ITGB5: variants seen among roughly 807,000 people sequenced by gnomAD.
The protein encoded by ITGB5 is integrin beta-5.
A neutral mutation model predicts 84.8 loss-of-function variants in ITGB5; 38 were observed. The observed-to-expected ratio is 0.45, with a 90% confidence interval of 0.35 to 0.59. The LOEUF is 0.59. Ranked by LOEUF, ITGB5 falls within the 20% of genes least tolerant of loss-of-function variation. The pLI is 0.01. For synonymous variants in ITGB5, 393 were observed against 414.4 expected (o/e 0.95, Z 0.63); for missense variants, 905 against 1,034.5 (o/e 0.87, Z 1.72).
chr3:124,773,600 T>G (rs1579175626), intron 11 of ITGB5, 90 bp downstream of exon 11: 1 of 1,168,514 alleles, frequency 8.6e-7, no homozygotes, highest in Non-Finnish European at 1.2e-6. Context: ...AGGTGAGGAG[T>G]GGAGGCTAGC....
intron 13 of ITGB5, among the ~76,000 whole-genome samples, chr3:124,764,867 C>T (rs1026057335): frequency 3.9e-5 from 6 of 152,200 alleles, no homozygotes; most frequent in South Asian, 2.1e-4. Context: ...ATGCTGGACC[C>T]GCTCAGCTTT....
At chr3:124,853,233 A>C (rs562387811) in intron 3 of ITGB5, among the ~76,000 whole-genome samples, 1 of 152,346 alleles carries the variant, frequency 6.6e-6, no homozygotes, top group Admixed American at 6.5e-5. Flanking sequence ...CTATTATAAC[A>C]GGACTACAAC....
At chr3:124,796,340 G>T in intron 10 of ITGB5, 48 bp downstream of exon 10, 1 of 1,515,262 alleles carries the variant, frequency 6.6e-7, no homozygotes, top group South Asian at 1.2e-5. Context: ...GTGTCCTAAC[G>T]GCATCTTGGC....
At chr3:124,796,161 C>T (rs1054482824) in intron 10 of ITGB5, among the ~76,000 whole-genome samples, 3 of 152,184 alleles carry the variant, frequency 2.0e-5, no homozygotes, top group Non-Finnish European at 4.4e-5. Context: ...GCAGGCCCCT[C>T]GAATTCTGAG....
At chr3:124,787,094 T>C (rs1350154355) in intron 10 of ITGB5, among the ~76,000 whole-genome samples, 1 of 152,228 alleles carries the variant, frequency 6.6e-6, no homozygotes, top group Non-Finnish European at 1.5e-5. Context: ...ATGTCATTAT[T>C]TCCTTCACAA....
chr3:124,846,607 T>C (rs191180056), intron 4 of ITGB5, among the ~76,000 whole-genome samples: 2 of 152,080 alleles, frequency 1.3e-5, no homozygotes, highest in East Asian at 3.9e-4. Context: ...TGTGTTGTAG[T>C]GTGATTTGAA....
intron 1 of ITGB5, among the ~76,000 whole-genome samples, chr3:124,880,857 A>C (rs1039846931): frequency 6.6e-6 from 1 of 152,006 alleles, no homozygotes; most frequent in Non-Finnish European, 1.5e-5. Flanking sequence ...TGAACCTAGG[A>C]GGCAGAGGTT....
intron 11 of ITGB5, chr3:124,769,924 C>CTCAGGCTA (rs2063818231): frequency 6.6e-6 from 1 of 152,252 alleles, no homozygotes; most frequent in Non-Finnish European, 1.5e-5. Flanking sequence ...CTCCTCCCAC[C>CTCAGGCTA]TCAGGCTAAC....
At chr3:124,859,195 G>T (rs927381584) in intron 3 of ITGB5, 47 bp downstream of exon 3, 2 of 1,570,248 alleles carry the variant, frequency 1.3e-6, no homozygotes, top group Non-Finnish European at 1.7e-6. Context: ...CTCCCCCATG[G>T]GCCTTCCTGA....
At chr3:124,869,019 G>A (rs1579320197) in intron 2 of ITGB5, among the ~76,000 whole-genome samples, 2 of 152,054 alleles carry the variant, frequency 1.3e-5, no homozygotes, top group Non-Finnish European at 2.9e-5. Context: ...GAACTGCAGG[G>A]ATAAGGAATC....
Position 124,830,812 on chromosome 3 carries a change from C to T in ITGB5, c.781-9338G>A, listed in dbSNP as rs142761029. 2.5e-3 allele frequency among the ~76,000 whole-genome samples: 384 copies of T among 152,204 alleles called. 1 individual carries two copies. The highest frequency in any genetic ancestry group is 9.0e-3 in the African/African-American group (375 of 41,558). On this transcript the variant is annotated intron_variant, in intron 5 of 14. Transcript: ENST00000296181. Reference sequence around the variant, plus strand: ...CGGCCTGGCCAACATGATGAAATCCCGTCTCTACTAAAAACACAAAAGTTA... The same window carrying T: ...CGGCCTGGCCAACATGATGAAATCCTGTCTCTACTAAAAACACAAAAGTTA...
intron 12 of ITGB5, among the ~76,000 whole-genome samples, chr3:124,768,278 CACCATTTAA>C (rs1559921058): frequency 6.6e-6 from 1 of 152,222 alleles, no homozygotes; most frequent in Admixed American, 6.5e-5. Flanking sequence ...ATTTCCCCCT[CACCATTTAA>C]ACCATTTTAA....
chr3:124,766,785 A>G (rs1434707511), intron 12 of ITGB5, among the ~76,000 whole-genome samples: 1 of 152,244 alleles, frequency 6.6e-6, no homozygotes, highest in African/African-American at 2.4e-5. Flanking sequence ...AGCTGGCCAC[A>G]GAGGCCAAGA....
chr3:124,792,633 G>C (rs907774302), intron 10 of ITGB5: 2 of 152,136 alleles, frequency 1.3e-5, no homozygotes, highest in Non-Finnish European at 2.9e-5. Flanking sequence ...GAAGAAAAAA[G>C]ACATTCATTC....
chr3:124,805,456 C>CTT (rs34640457), intron 9 of ITGB5, among the ~76,000 whole-genome samples: 33 of 147,128 alleles, frequency 2.2e-4, no homozygotes, highest in African/African-American at 7.9e-4. Context: ...ACTGCCATTA[C>CTT]TTTTTTTTTT....
intron 2 of ITGB5, chr3:124,863,462 G>A (rs2065335089): frequency 6.6e-6 from 1 of 152,222 alleles, no homozygotes; most frequent in Non-Finnish European, 1.5e-5. Flanking sequence ...ACTCAACAGA[G>A]GGAGTTAGGT....
At chr3:124,891,097 C>T (rs919211210), upstream of ITGB5, among the ~76,000 whole-genome samples, 3 of 152,112 alleles carry the variant, frequency 2.0e-5, no homozygotes, top group African/African-American at 4.8e-5. Flanking sequence ...AGTTTGACGA[C>T]GGGGTTTGAG....
intron 5 of ITGB5, among the ~76,000 whole-genome samples, chr3:124,824,727 G>T (rs2064757647): frequency 6.6e-6 from 1 of 152,146 alleles, no homozygotes; most frequent in African/African-American, 2.4e-5. Flanking sequence ...GTGGTCAAAA[G>T]ATTTGCACAG....
At chr3:124,862,272 T>A (rs564699829) in intron 2 of ITGB5, 10 of 152,482 alleles carry the variant, frequency 6.6e-5, no homozygotes, top group Non-Finnish European at 1.5e-4. Flanking sequence ...TGGTCAGTTT[T>A]TTCAGAGTAA....
Sources: allele counts gnomAD v4.1 joint callset (sites outside exome capture counted in the v4.1 genomes callset), GRCh38; gene constraint gnomAD v4.1.1; transcripts MANE v1.5; gene names NCBI Gene and HGNC (gene_info 2026-07-23, HGNC 2026-07-21).